H2BC5: variants seen among roughly 807,000 people sequenced by gnomAD.
H2BC5 encodes H2B clustered histone 5.
In H2BC5, 9 loss-of-function variants were observed where a neutral mutation model predicts 5.7. The observed-to-expected ratio is 1.57, with a 90% CI of 0.95 to 2.74. The LOEUF is 2.74. Ranked by LOEUF, H2BC5 falls within the 30% of genes most tolerant of loss-of-function variation. The pLI, the probability that H2BC5 is intolerant of heterozygous loss-of-function variation, is 0.00. For missense variants in H2BC5, 175 were observed against 168.8 expected (o/e 1.04, Z -0.20); for synonymous variants, 133 against 70.9 (o/e 1.88, Z -4.40).
intron 1 of H2BC5, among the ~76,000 whole-genome samples, chr6:26,165,661 G>C (rs1764410021): frequency 6.6e-6 from 1 of 152,152 alleles, no homozygotes; most frequent in Non-Finnish European, 1.5e-5. Flanking sequence ...AATGTTTCCT[G>C]TGTTGACCTG....
downstream of H2BC5, among the ~76,000 whole-genome samples, chr6:26,159,154 G>A (rs1405433981): frequency 6.6e-6 from 1 of 151,894 alleles, no homozygotes. Context: ...GATCCTAGGC[G>A]CTGAGGTGCA....
At chr6:26,168,853 A>G (rs536281905) in intron 1 of H2BC5, among the ~76,000 whole-genome samples, 40 of 152,364 alleles carry the variant, frequency 2.6e-4, no homozygotes, top group African/African-American at 8.2e-4. Flanking sequence ...CATTGAATGT[A>G]TTAATTCATT....
chr6:26,158,131 T>G lies in H2BC5; in HGVS notation c.-39T>G. The G allele has an allele frequency of 1.3e-6, 2 of 1,582,768 alleles. No individual in the cohort carries two copies. Among genetic ancestry groups the G allele is most frequent in the Admixed American group, 1.9e-5 (1 of 53,088 alleles). ...GGCCTCGGCGGGAGTGATTATTTTCTCAGGTGTTTGCAACAGTGTTCTAAC... is the reference window on the plus strand; with the variant it reads ...GGCCTCGGCGGGAGTGATTATTTTCGCAGGTGTTTGCAACAGTGTTCTAAC... On this transcript the variant is annotated 5_prime_UTR_variant, in exon 1 of 1. Coordinates refer to ENST00000377777, the MANE Select transcript of H2BC5 (RefSeq NM_021063.4).
intron 1 of H2BC5, among the ~76,000 whole-genome samples, chr6:26,164,748 G>A (rs1764395718): frequency 6.6e-6 from 1 of 151,808 alleles, no homozygotes; most frequent in Non-Finnish European, 1.5e-5. Flanking sequence ...CCACAAGAAG[G>A]CTCTGCAGGC....
chr6:26,166,022 T>C (rs1033632407), intron 1 of H2BC5, among the ~76,000 whole-genome samples: 2 of 152,188 alleles, frequency 1.3e-5, no homozygotes, highest in Admixed American at 1.3e-4. Flanking sequence ...CAGACTGGGA[T>C]GTGTCTTGGA....
At chr6:26,160,449 C>T (rs1183376324), downstream of H2BC5, among the ~76,000 whole-genome samples, 1 of 149,834 alleles carries the variant, frequency 6.7e-6, no homozygotes, top group South Asian at 2.1e-4. Context: ...TGCCTGTAAT[C>T]CCAGCACTTC....
intron 1 of H2BC5, among the ~76,000 whole-genome samples, chr6:26,168,189 T>A (rs972257390): frequency 2.3e-4 from 35 of 151,876 alleles, no homozygotes; most frequent in Admixed American, 5.9e-4. Flanking sequence ...CCAGGCCCAG[T>A]GGCTCAAGCC....
chr6:26,160,382 A>G (rs1046526902), downstream of H2BC5, among the ~76,000 whole-genome samples: 3 of 152,056 alleles, frequency 2.0e-5, no homozygotes, highest in Admixed American at 1.3e-4. Flanking sequence ...ATGAAACTAG[A>G]AGTATGACTA....
intron 1 of H2BC5, chr6:26,164,222 C>T (rs913022094): frequency 2.6e-6 from 1 of 381,714 alleles, no homozygotes; most frequent in Non-Finnish European, 5.4e-6. Context: ...CTCTCAGTCT[C>T]CCAGCAGACC....
chr6:26,167,049 C>CTTTTTTTTTTTTTTTTTTTTTTTTTATTT (rs149341201), intron 1 of H2BC5, among the ~76,000 whole-genome samples: 2 of 97,026 alleles, frequency 2.1e-5, no homozygotes, highest in Non-Finnish European at 3.8e-5. Flanking sequence ...TTTGTTTTCT[C>CTTTTTTTTTTTTTTTTTTTTTTTTTATTT]TTTTTTTTTT....
downstream of H2BC5, chr6:26,163,596 G>A (rs1161152372): frequency 6.6e-6 from 1 of 152,102 alleles, no homozygotes; most frequent in Admixed American, 6.6e-5. Flanking sequence ...GCCGACTTTT[G>A]GGTGGAGGCC....
Position 26,158,445 on chromosome 6 carries a change from C to T in H2BC5, c.276C>T (p.Ser92=). 6.2e-7 allele frequency: 1 copy of T among 1,614,282 alleles called. No homozygotes were observed. The highest frequency in any genetic ancestry group is 8.5e-7 in the Non-Finnish European group (1 of 1,180,054). The stretch of plus-strand genomic sequence containing the variant: ...ACAACAAGCGCTCGACCATCACCTC[C>T]AGGGAGATCCAGACGGCCGTGCGCC... ...AHYNKRSTIT[S]REIQTAVRLL... is the part of the protein sequence containing the mutation. The change falls in exon 1 of 1, where the codon TCC becomes TCT. Residue 92 remains serine (S), a synonymous_variant. Transcript: ENST00000377777.
rs1415465556 is a variant in H2BC5 at position 26,158,360 on chromosome 6, A to G, written c.191A>G (p.Asn64Ser). The G allele has an allele frequency of 6.2e-7, 1 of 1,614,266 alleles. No homozygotes were observed. The highest frequency in any genetic ancestry group is 1.1e-5 in the South Asian group (1 of 91,088). Residue 64 changes from asparagine to serine, a missense_variant, in exon 1 of 1, where the codon AAT (asparagine) becomes AGT (serine). This residue lies in a region of H2BC5 where 119 missense variants were observed against 85.6 expected (regional missense o/e 1.39). Transcript: ENST00000377777. The stretch of plus-strand genomic sequence containing the variant: ...TCTTCCAAGGCAATGGGGATCATGA[A>G]TTCCTTCGTCAACGACATCTTCGAG... Reference protein sequence around the residue: ...GISSKAMGIMNSFVNDIFERI... With the variant: ...GISSKAMGIMSSFVNDIFERI...
intron 1 of H2BC5, among the ~76,000 whole-genome samples, chr6:26,165,582 C>T (rs569883327): frequency 3.9e-4 from 60 of 152,266 alleles, no homozygotes; most frequent in African/African-American, 1.4e-3. Flanking sequence ...CTGGAACATA[C>T]TTGTTCTCAG....
chr6:26,163,320 T>G (rs554659641), downstream of H2BC5: 1 of 152,234 alleles, frequency 6.6e-6, no homozygotes, highest in African/African-American at 2.4e-5. Flanking sequence ...TTATCAAGTT[T>G]CATTATAAAA....
chr6:26,158,710 A>G (rs1764286405), downstream of H2BC5: 2 of 1,203,720 alleles, frequency 1.7e-6, no homozygotes, highest in Non-Finnish European at 1.1e-6. Flanking sequence ...TGCAGAGGAA[A>G]TAACTTGGAA....
At chr6:26,169,937 G>A (rs892057888) in intron 1 of H2BC5, among the ~76,000 whole-genome samples, 2 of 152,066 alleles carry the variant, frequency 1.3e-5, no homozygotes, top group Non-Finnish European at 2.9e-5. Context: ...AAAGGGGGGT[G>A]AGGGAAAGAG....
At chr6:26,168,864 T>A (rs770551293) in intron 1 of H2BC5, among the ~76,000 whole-genome samples, 1 of 152,218 alleles carries the variant, frequency 6.6e-6, no homozygotes, top group South Asian at 2.1e-4. Context: ...TTAATTCATT[T>A]GAGAAATCTT....
chr6:26,167,593 A>C (rs769161944), intron 1 of H2BC5, among the ~76,000 whole-genome samples: 1 of 152,236 alleles, frequency 6.6e-6, no homozygotes, highest in Non-Finnish European at 1.5e-5. Context: ...GAGAAGAGCC[A>C]AGGAAGATGA....
Sources: gnomAD v4.1 joint callset for allele counts (sites outside exome capture counted in the v4.1 genomes callset) on GRCh38, gnomAD v4.1.1 for gene constraint, gnomAD v4.1.1 regional missense constraint, MANE v1.5 for transcripts, NCBI Gene and HGNC (gene_info 2026-07-23, HGNC 2026-07-21) for gene names.